Variants in CEP85L observed in about 807,000 individuals in gnomAD.
The protein encoded by CEP85L is centrosomal protein of 85 kDa-like.
Under a neutral mutation model 100.3 loss-of-function variants are expected in CEP85L, and 60 were observed. That is an observed-to-expected ratio of 0.60 (90% CI 0.49 to 0.74). CEP85L has a LOEUF of 0.74. Ranked by LOEUF, CEP85L falls within the 30% of genes least tolerant of loss-of-function variation. The pLI is 0.00. For synonymous variants in CEP85L, 319 were observed against 322.7 expected (o/e 0.99, Z 0.12); for missense variants, 973 against 936.2 (o/e 1.04, Z -0.51).
intron 6 of CEP85L, among the ~76,000 whole-genome samples, chr6:118,486,117 C>T (rs183572749): frequency 9.2e-5 from 14 of 152,294 alleles, no homozygotes; most frequent in Non-Finnish European, 1.6e-4. Context: ...GTTGATCATA[C>T]ATATTCATTG....
chr6:118,508,429 T>A (rs1243342740), intron 5 of CEP85L, among the ~76,000 whole-genome samples: 2 of 152,140 alleles, frequency 1.3e-5, no homozygotes, highest in East Asian at 1.9e-4. Flanking sequence ...ATATTTGGTT[T>A]ATTCCACAAA....
intron 2 of CEP85L, among the ~76,000 whole-genome samples, chr6:118,573,508 TAA>T (rs71818197): frequency 0.029 from 4,394 of 152,202 alleles, 105 homozygotes; most frequent in African/African-American, 0.056. Flanking sequence ...TGATTAAATC[TAA>T]AAAACAGTAA....
At chr6:118,491,480 A>G in intron 6 of CEP85L, 1 of 1,321,670 alleles carries the variant, frequency 7.6e-7, no homozygotes, top group Non-Finnish European at 9.7e-7. Flanking sequence ...TGTTAGAAAG[A>G]TATACAAGAG....
chr6:118,620,516 T>A (rs773749222), intron 2 of CEP85L, among the ~76,000 whole-genome samples: 1 of 152,178 alleles, frequency 6.6e-6, no homozygotes, highest in Non-Finnish European at 1.5e-5. Flanking sequence ...AACTGCCCCC[T>A]TGCCCACGTC....
chr6:118,620,894 C>G (rs898998756), intron 2 of CEP85L, among the ~76,000 whole-genome samples: 3 of 152,094 alleles, frequency 2.0e-5, no homozygotes, highest in African/African-American at 7.2e-5. Flanking sequence ...AGTCCCACAC[C>G]CTTATTAAGG....
chr6:118,642,026 A>T (rs999262760), intron 1 of CEP85L, among the ~76,000 whole-genome samples: 3 of 152,224 alleles, frequency 2.0e-5, no homozygotes, highest in African/African-American at 7.2e-5. Flanking sequence ...TTTAAAATAT[A>T]TCAACTGTAT....
chr6:118,682,417 T>C (rs1562357252), intron 1 of CEP85L, among the ~76,000 whole-genome samples: 1 of 152,120 alleles, frequency 6.6e-6, no homozygotes, highest in Non-Finnish European at 1.5e-5. Flanking sequence ...CTTTTATTCA[T>C]TAGTTATGTT....
chr6:118,536,860 A>G (rs957157110), intron 3 of CEP85L, among the ~76,000 whole-genome samples: 4 of 152,202 alleles, frequency 2.6e-5, no homozygotes, highest in African/African-American at 9.7e-5. Flanking sequence ...AAAGGATTTT[A>G]TATTCAAATA....
At chr6:118,636,465 T>A (rs1400922375) in intron 1 of CEP85L, among the ~76,000 whole-genome samples, 1 of 143,126 alleles carries the variant, frequency 7.0e-6, no homozygotes, top group Non-Finnish European at 1.5e-5. Context: ...ATGGAACTCC[T>A]GGACAATGTC....
At chr6:118,617,486 C>A (rs984180901) in intron 2 of CEP85L, among the ~76,000 whole-genome samples, 1 of 152,130 alleles carries the variant, frequency 6.6e-6, no homozygotes, top group Non-Finnish European at 1.5e-5. Flanking sequence ...AAGCGTAAGT[C>A]GCAATTTCAG....
chr6:118,563,540 G>C (rs867032612), intron 3 of CEP85L, among the ~76,000 whole-genome samples: 1 of 152,162 alleles, frequency 6.6e-6, no homozygotes, highest in Non-Finnish European at 1.5e-5. Context: ...CAATTTATCA[G>C]ACGGCCTGGT....
At chr6:118,499,041 T>C (rs1775106435) in intron 5 of CEP85L, among the ~76,000 whole-genome samples, 1 of 152,074 alleles carries the variant, frequency 6.6e-6, no homozygotes, top group East Asian at 1.9e-4. Context: ...AAGAGAAATT[T>C]AAAAATGTCA....
At chr6:118,576,460 A>G (rs1780239625) in intron 2 of CEP85L, among the ~76,000 whole-genome samples, 1 of 152,224 alleles carries the variant, frequency 6.6e-6, no homozygotes, top group Non-Finnish European at 1.5e-5. Context: ...CAGCCTCAAA[A>G]CTAACATTCA....
chr6:118,605,660 T>C (rs1772145464), intron 2 of CEP85L, among the ~76,000 whole-genome samples: 1 of 152,170 alleles, frequency 6.6e-6, no homozygotes, highest in Non-Finnish European at 1.5e-5. Flanking sequence ...TTCCTCTGTT[T>C]TTCCCAAGGG....
intron 2 of CEP85L, among the ~76,000 whole-genome samples, chr6:118,585,853 G>A (rs1473993028): frequency 6.6e-6 from 1 of 152,124 alleles, no homozygotes; most frequent in Non-Finnish European, 1.5e-5. Flanking sequence ...AGGGAGGAGT[G>A]GCAGGTAAAC....
chr6:118,579,691 T>G (rs115137200), intron 2 of CEP85L, among the ~76,000 whole-genome samples: 1 of 152,214 alleles, frequency 6.6e-6, no homozygotes, highest in Non-Finnish European at 1.5e-5. Flanking sequence ...TGGAGAGATA[T>G]GGAGTCAATA....
chr6:118,493,967 G>C (rs1198907286), intron 5 of CEP85L, among the ~76,000 whole-genome samples: 1 of 151,890 alleles, frequency 6.6e-6, no homozygotes, highest in Non-Finnish European at 1.5e-5. Context: ...TCGCCACTCA[G>C]TCCTAAAAAA....
At chr6:118,631,979 T>A (rs143531364) in intron 2 of CEP85L, among the ~76,000 whole-genome samples, 1 of 152,290 alleles carries the variant, frequency 6.6e-6, no homozygotes, top group East Asian at 1.9e-4. Context: ...GAAAAACTCT[T>A]ATGACTAGAG....
intron 3 of CEP85L, among the ~76,000 whole-genome samples, chr6:118,558,658 CACAG>C (rs1319786079): frequency 0.016 from 1,951 of 124,860 alleles, 18 homozygotes; most frequent in African/African-American, 0.047. Context: ...CACACACACA[CACAG>C]AGAGAGAGAG....
Sources: gnomAD v4.1 joint callset for allele counts (sites outside exome capture counted in the v4.1 genomes callset) on GRCh38, gnomAD v4.1.1 for gene constraint, MANE v1.5 for transcripts, NCBI Gene and HGNC (gene_info 2026-07-23, HGNC 2026-07-21) for gene names.